Variants in COL24A1 observed in about 807,000 individuals in gnomAD.
COL24A1 encodes collagen alpha-1(XXIV) chain.
A neutral mutation model predicts 253.9 loss-of-function variants in COL24A1; 224 were observed. The observed-to-expected ratio is 0.88, with a 90% CI of 0.79 to 0.99. The LOEUF (loss-of-function observed/expected upper bound fraction) is 0.99. Ranked by LOEUF, COL24A1 falls within the 50% of genes least tolerant of loss-of-function variation. The probability of loss-of-function intolerance (pLI) is 0.00; values close to 1 mark genes in which losing one functional copy is unlikely to be tolerated. For synonymous variants in COL24A1, 685 were observed against 673.7 expected (o/e 1.02, Z -0.26); for missense variants, 2,131 against 2,068.5 (o/e 1.03, Z -0.59).
chr1:85,861,892 A>C (rs763558048), intron 37 of COL24A1, among the ~76,000 whole-genome samples: 1 of 152,140 alleles, frequency 6.6e-6, no homozygotes, highest in Non-Finnish European at 1.5e-5. Context: ...ATACCCTTTT[A>C]GTTTTCTAAA....
chr1:85,923,862 A>G (rs1358411365), intron 24 of COL24A1, among the ~76,000 whole-genome samples: 1 of 152,214 alleles, frequency 6.6e-6, no homozygotes, highest in Non-Finnish European at 1.5e-5. Context: ...AACCCTTCAA[A>G]AAATCAATGA....
At position 85,868,855 on chromosome 1, in the gene COL24A1, G is replaced by C; in HGVS notation, c.3139-20C>G. 6.5e-7 allele frequency: 1 copy of C among 1,545,680 alleles called. No individual in the cohort carries two copies. The highest frequency in any genetic ancestry group is 1.2e-5 in the South Asian group (1 of 80,946). ...TTCACCCTATTTTGTAGCAGAAAGA[G>C]TATGATTGAGTTTTTTTTTGCTATA... is the stretch of plus-strand genomic sequence containing the variant. On this transcript the variant is annotated intron_variant, in intron 35 of 59. Coordinates refer to ENST00000370571, the MANE Select transcript of COL24A1 (RefSeq NM_152890.7).
intron 8 of COL24A1, among the ~76,000 whole-genome samples, chr1:86,059,417 A>G (rs1700909752): frequency 1.3e-5 from 2 of 152,158 alleles, no homozygotes; most frequent in South Asian, 4.1e-4. Flanking sequence ...TCTAGGATGG[A>G]AAAATCCATA....
At chr1:86,086,142 A>G (rs1703048191) in intron 7 of COL24A1, among the ~76,000 whole-genome samples, 1 of 152,228 alleles carries the variant, frequency 6.6e-6, no homozygotes, top group Admixed American at 6.5e-5. Context: ...AGAAAAAGAA[A>G]AATGAAGTCA....
intron 1 of COL24A1, among the ~76,000 whole-genome samples, chr1:86,153,642 G>A (rs1653076798): frequency 6.6e-6 from 1 of 152,060 alleles, no homozygotes; most frequent in African/African-American, 2.4e-5. Flanking sequence ...ACACTCAAAA[G>A]TACTTTCCAT....
At position 85,823,669 on chromosome 1, in the gene COL24A1, T is replaced by C. The variant is rs369138676; in HGVS notation, c.3735+16A>G. On this transcript the variant is annotated intron_variant, in intron 44 of 59. Coordinates refer to ENST00000370571, the MANE Select transcript of COL24A1 (RefSeq NM_152890.7). ...TATTAATGTTAATTTTTAGAAATAA[T>C]GCTTTCAAAACATACTGGGGGTCCT... 1.2e-6 allele frequency: 2 copies of C among 1,613,626 alleles called. No individual in the cohort carries two copies. The highest frequency in any genetic ancestry group is 2.7e-5 in the African/African-American group (2 of 74,910).
Position 86,063,767 on chromosome 1 carries a change from A to G in COL24A1, c.1708-8T>C. ...AGGATGTCCTTTGAGACCCTGTAAA[A>G]GAATAAGTGGAGACATGCTATGAAA... On this transcript the variant is annotated splice_region_variant and splice_polypyrimidine_tract_variant and intron_variant, in intron 7 of 59. Transcript: ENST00000370571. The G allele has an allele frequency of 6.5e-7, 1 of 1,533,810 alleles. No individual in the cohort carries two copies. Among genetic ancestry groups the G allele is most frequent in the South Asian group, 1.3e-5 (1 of 75,842 alleles).
At chr1:85,776,927 TA>T (rs927082866) in intron 52 of COL24A1, among the ~76,000 whole-genome samples, 13 of 151,814 alleles carry the variant, frequency 8.6e-5, no homozygotes, top group African/African-American at 2.2e-4. Context: ...GGTATTAACT[TA>T]AAAAAAACTT....
At chr1:85,830,744 G>A (rs952701614) in intron 43 of COL24A1, among the ~76,000 whole-genome samples, 11 of 152,226 alleles carry the variant, frequency 7.2e-5, no homozygotes, top group South Asian at 2.1e-4. Flanking sequence ...GACCCCTTGC[G>A]CTTGCCGAGT....
At chr1:86,092,015 T>C (rs1404272341) in intron 6 of COL24A1, among the ~76,000 whole-genome samples, 1 of 152,072 alleles carries the variant, frequency 6.6e-6, no homozygotes, top group Non-Finnish European at 1.5e-5. Context: ...CACCCCCTCA[T>C]TGGCAGATAG....
At chr1:85,981,640 A>G (rs1391848305) in intron 20 of COL24A1, among the ~76,000 whole-genome samples, 1 of 152,200 alleles carries the variant, frequency 6.6e-6, no homozygotes, top group Non-Finnish European at 1.5e-5. Flanking sequence ...AGAAAAATAA[A>G]TAGATGGGAC....
intron 32 of COL24A1, among the ~76,000 whole-genome samples, chr1:85,886,347 C>T (rs897084475): frequency 6.6e-6 from 1 of 150,950 alleles, no homozygotes; most frequent in Non-Finnish European, 1.5e-5. Context: ...CCGTGCTTGG[C>T]CCCCATGCGA....
intron 7 of COL24A1, among the ~76,000 whole-genome samples, chr1:86,085,242 C>G (rs1391077913): frequency 2.0e-5 from 3 of 152,110 alleles, no homozygotes; most frequent in African/African-American, 7.2e-5. Context: ...TCCTGTCCAA[C>G]TTTATACAGA....
chr1:86,156,215 G>T, intron 1 of COL24A1, 126 bp downstream of exon 1: 1 of 759,002 alleles, frequency 1.3e-6, no homozygotes, highest in Non-Finnish European at 2.1e-6. Context: ...GCGGGTACTC[G>T]GCCGCTCCTA....
intron 48 of COL24A1, among the ~76,000 whole-genome samples, chr1:85,784,841 C>T (rs548144253): frequency 6.6e-6 from 1 of 152,152 alleles, no homozygotes; most frequent in African/African-American, 2.4e-5. Context: ...AGCGATCCTC[C>T]CAACTCAGTC....
intron 37 of COL24A1, among the ~76,000 whole-genome samples, chr1:85,856,427 T>C (rs979103427): frequency 6.6e-6 from 1 of 152,208 alleles, no homozygotes; most frequent in Non-Finnish European, 1.5e-5. Flanking sequence ...ATTTCTTGAT[T>C]TCTGCTTTAA....
Position 85,744,844 on chromosome 1 carries a change from C to A in COL24A1, c.4504-10G>T. On this transcript the variant is annotated splice_polypyrimidine_tract_variant and intron_variant, in intron 56 of 59. Transcript: ENST00000370571. ...CAGTATTCTGGTAGCTCTGCCAAGT[C>A]ATCATAAGAATTATATAAGCAAAAA... The A allele has an allele frequency of 1.2e-6, 2 of 1,601,814 alleles. No individual in the cohort carries two copies. Among genetic ancestry groups the A allele is most frequent in the South Asian group, 1.1e-5 (1 of 88,666 alleles).
At chr1:85,883,914 T>A (rs1682166623) in intron 32 of COL24A1, 1 of 152,218 alleles carries the variant, frequency 6.6e-6, no homozygotes, top group Admixed American at 6.5e-5. Flanking sequence ...CAATACCGAA[T>A]ACACTGTTGC....
intron 55 of COL24A1, among the ~76,000 whole-genome samples, chr1:85,748,331 C>G (rs420515): frequency 6.6e-6 from 1 of 152,182 alleles, no homozygotes; most frequent in South Asian, 2.1e-4. Context: ...GCTTTTGAAG[C>G]AATCACTACA....
Sources: gnomAD v4.1 joint callset for allele counts (sites outside exome capture counted in the v4.1 genomes callset) on GRCh38, gnomAD v4.1.1 for gene constraint, MANE v1.5 for transcripts, NCBI Gene and HGNC (gene_info 2026-07-23, HGNC 2026-07-21) for gene names.